The following UTP20 variants were observed in gnomAD, a reference collection of about 807,000 sequenced individuals.
The protein encoded by UTP20 is UTP20 small subunit processome component.
Under a neutral mutation model 329.5 loss-of-function variants are expected in UTP20, and 164 were observed. That is an observed-to-expected ratio of 0.50 (90% CI 0.44 to 0.57). The LOEUF is 0.57. Among genes scored for constraint, UTP20 ranks in the 20% least tolerant of loss-of-function variants. The pLI is 0.00. For missense variants in UTP20, 3,055 were observed against 3,284.2 expected, an observed-to-expected ratio of 0.93 and a Z score of 1.71; for synonymous variants, 1,151 against 1,159.3, an observed-to-expected ratio of 0.99 and a Z score of 0.14.
intron 12 of UTP20, among the ~76,000 whole-genome samples, chr12:101,297,464 C>T (rs1406213956): frequency 6.6e-6 from 1 of 152,190 alleles, no homozygotes; most frequent in Non-Finnish European, 1.5e-5. Context: ...ATCTTCCTAC[C>T]TTGGCCTCTC....
rs1226081625 is a variant in UTP20 at position 101,338,162 on chromosome 12, T to A, written c.3753T>A (p.Ile1251=). ...AKNLSDATAS[I]VMDIVDDLLN... ...ATCTTTCTGATGCCACAGCCAGTATTGTAATGGACATAGTTGATGACCTTC... is the reference window on the plus strand; with the variant it reads ...ATCTTTCTGATGCCACAGCCAGTATAGTAATGGACATAGTTGATGACCTTC... The change falls in exon 30 of 62, where the codon ATT becomes ATA. Residue 1251 remains isoleucine, a synonymous_variant. Transcript: ENST00000261637. 1 of 1,614,194 alleles carries A rather than the reference T, an allele frequency of 6.2e-7. No homozygotes were observed. The highest frequency in any genetic ancestry group is 1.1e-5 in the South Asian group (1 of 91,086).
chr12:101,317,446 A>T (rs764872300), intron 21 of UTP20, 32 bp from the exon 22 acceptor site: 1 of 1,608,060 alleles, frequency 6.2e-7, no homozygotes, highest in Non-Finnish European at 8.5e-7. Context: ...TGCGTTCTTC[A>T]TCAGTATCCT....
chr12:101,340,050 T>A (rs530332515), intron 31 of UTP20, among the ~76,000 whole-genome samples: 42 of 152,282 alleles, frequency 2.8e-4, no homozygotes, highest in African/African-American at 9.1e-4. Context: ...CTGCTGTACT[T>A]CTTCTAGCTG....
At chr12:101,299,919 A>G in intron 13 of UTP20, 54 bp from the exon 14 acceptor site, 6 of 1,610,610 alleles carry the variant, frequency 3.7e-6, no homozygotes, top group Non-Finnish European at 5.1e-6. Context: ...TGTTCTCTGA[A>G]ACAAACCATT....
At chr12:101,320,150 A>G (rs1464065828) in intron 23 of UTP20, among the ~76,000 whole-genome samples, 5 of 152,164 alleles carry the variant, frequency 3.3e-5, no homozygotes, top group Admixed American at 6.5e-5. Context: ...TTCATTTTTC[A>G]TTTGGATGTT....
intron 8 of UTP20, chr12:101,291,493 TTG>T: frequency 4.3e-6 from 1 of 232,120 alleles, no homozygotes; most frequent in Non-Finnish European, 8.0e-6. Context: ...TGAGCAAAGA[TTG>T]CGCCATTGCA....
Position 101,352,025 on chromosome 12 carries a change from C to G in UTP20, c.4885-30C>G, listed in dbSNP as rs755521400. On this transcript the variant is annotated intron_variant, in intron 38 of 61. Coordinates refer to ENST00000261637, the MANE Select transcript of UTP20 (RefSeq NM_014503.3). ...TGCATTTTATTAGCAAATACTTGTT[C>G]TGCATTGATGTTCTTGATTTGTTTT... is the stretch of plus-strand genomic sequence containing the variant. The G allele has an allele frequency of 6.4e-5, 103 of 1,609,682 alleles. No homozygotes were observed. In the Middle Eastern group the frequency reaches 7.5e-4, roughly 12 times the overall value.
In UTP20 at chr12:101,366,596, C is replaced by T. The variant is rs1258941768; in HGVS notation, c.6164C>T (p.Pro2055Leu). The part of the protein sequence containing the change: ...VAPAPDPRLP[P>L]QSCLLLPPTP... ...CCAGCACCAGATCCACGTCTACCAC[C>T]CCAGAGCTGCCTTCTGCTTCCCCCA... The change falls in exon 47 of 62, where the codon CCC becomes CTC. Residue 2055 changes from proline to leucine, a missense_variant. Physicochemically the swap from Pro to Leu is moderately conservative, Grantham distance 98. This residue lies in a region of UTP20 where 2,445 missense variants were observed against 2,575.5 expected (regional missense o/e 0.95). Coordinates refer to ENST00000261637, the MANE Select transcript of UTP20 (RefSeq NM_014503.3). The T allele has an allele frequency of 1.9e-6, 3 of 1,614,014 alleles. No homozygotes were observed. The highest frequency in any genetic ancestry group is 4.5e-5 in the East Asian group (2 of 44,890).
chr12:101,371,013 A>C, intron 50 of UTP20, 45 bp from the exon 51 acceptor site: 1 of 1,569,358 alleles, frequency 6.4e-7, no homozygotes, highest in African/African-American at 1.3e-5. Context: ...ACGCATCTGC[A>C]GCAAAACACA....
intron 23 of UTP20, 22 bp downstream of exon 23, chr12:101,319,657 C>A: frequency 6.4e-7 from 1 of 1,551,600 alleles, no homozygotes; most frequent in Non-Finnish European, 8.7e-7. Flanking sequence ...AAACTCTTGG[C>A]ATTATAATTC....
intron 21 of UTP20, among the ~76,000 whole-genome samples, chr12:101,314,018 A>G (rs182979588): frequency 2.0e-4 from 31 of 152,330 alleles, no homozygotes; most frequent in Admixed American, 1.4e-3. Context: ...TTATCAATAT[A>G]TGGATGGTAT....
At chr12:101,318,003 GT>G (rs1873029783) in intron 22 of UTP20, among the ~76,000 whole-genome samples, 1 of 152,156 alleles carries the variant, frequency 6.6e-6, no homozygotes, top group African/African-American at 2.4e-5. Context: ...AGGGTATTGT[GT>G]TTGCATGCTA....
chr12:101,326,026 T>C (rs961151060), intron 25 of UTP20, among the ~76,000 whole-genome samples: 6 of 152,240 alleles, frequency 3.9e-5, no homozygotes, highest in Admixed American at 3.9e-4. Context: ...TCCAAGTAAC[T>C]GATGCATGTA....
chr12:101,383,309 T>C lies in UTP20; in HGVS notation c.7925T>C (p.Leu2642Ser), dbSNP rs1488539667. The change falls in exon 59 of 62, where the codon TTA (leucine) becomes TCA (serine). Residue 2642 changes from leucine to serine, a missense_variant. By Grantham distance (145) the Leu-to-Ser change is moderately radical. Around this residue, in one of 3 missense-constraint regions of UTP20, gnomAD observed 337 missense variants for 345.5 expected, o/e 0.98. Coordinates refer to ENST00000261637, the MANE Select transcript of UTP20 (RefSeq NM_014503.3). ...GCTGCTTATTCGCCGAGAAACCCCT[T>C]AAAGGTGCGATGAATGCACAGAATG... is the stretch of plus-strand genomic sequence containing the variant. Reference protein sequence around the residue: ...LEAAYSPRNPLKRTCIFKFLG... With the variant: ...LEAAYSPRNPSKRTCIFKFLG... 1.9e-6 allele frequency: 3 copies of C among 1,613,070 alleles called. No individual in the cohort carries two copies. Among genetic ancestry groups the C allele is most frequent in the African/African-American group, 1.3e-5 (1 of 74,976 alleles).
At chr12:101,365,736 G>C (rs939332735) in intron 46 of UTP20, 111 bp downstream of exon 46, 1 of 826,170 alleles carries the variant, frequency 1.2e-6, no homozygotes, top group Non-Finnish European at 1.7e-6. Flanking sequence ...ATCCACCTGA[G>C]TTCTCAGATG....
chr12:101,362,345 A>G (rs112460815), intron 44 of UTP20, among the ~76,000 whole-genome samples: 2,130 of 152,298 alleles, frequency 0.014, 28 homozygotes, highest in East Asian at 0.079. Context: ...CTAAGAATCT[A>G]TTTTTAAGAA....
At chr12:101,289,189 C>A in intron 6 of UTP20, 148 bp downstream of exon 6, 1 of 659,422 alleles carries the variant, frequency 1.5e-6, no homozygotes, top group Non-Finnish European at 2.5e-6. Context: ...CCAGCCTGAC[C>A]AACATGGCAA....
intron 40 of UTP20, among the ~76,000 whole-genome samples, chr12:101,353,698 T>C (rs1391159908): frequency 6.6e-6 from 1 of 152,106 alleles, no homozygotes; most frequent in Admixed American, 6.5e-5. Flanking sequence ...AGTGAGACCC[T>C]ATGTCTAAAA....
At chr12:101,366,436 A>C in intron 46 of UTP20, 122 bp from the exon 47 acceptor site, 1 of 1,307,418 alleles carries the variant, frequency 7.6e-7, no homozygotes, top group Non-Finnish European at 1.0e-6. Context: ...GGAGGGGCAA[A>C]ACCCAAGCAA....
Sources: allele counts gnomAD v4.1 joint callset (sites outside exome capture counted in the v4.1 genomes callset), GRCh38; gene constraint gnomAD v4.1.1; regional missense constraint gnomAD v4.1.1; transcripts MANE v1.5; gene names NCBI Gene and HGNC (gene_info 2026-07-23, HGNC 2026-07-21).